Variants in DLGAP2 observed in about 807,000 individuals in gnomAD.
DLGAP2 encodes the protein disks large-associated protein 2.
A neutral mutation model predicts 100.3 loss-of-function variants in DLGAP2; 26 were observed. The observed-to-expected ratio is 0.26, with a 90% confidence interval of 0.19 to 0.36. The LOEUF is 0.36. Ranked by LOEUF, DLGAP2 falls within the 10% of genes least tolerant of loss-of-function variation. DLGAP2 has a pLI of 1.00. For synonymous variants in DLGAP2, 886 were observed against 630.1 expected (o/e 1.41, Z -6.08); for missense variants, 1,858 against 1,453.2 (o/e 1.28, Z -4.53).
At chr8:1,475,336 C>T (rs988610123) in intron 3 of DLGAP2, among the ~76,000 whole-genome samples, 39 of 152,020 alleles carry the variant, frequency 2.6e-4, no homozygotes, top group East Asian at 1.9e-3. Context: ...AAAAAAAAGC[C>T]GGGGGAGCAG....
Position 779,467 on chromosome 8 carries a change from C to CTT in DLGAP2, c.18+41655_18+41656dup, listed in dbSNP as rs35954348. Among the ~76,000 whole-genome samples, 275 of 142,206 alleles carry CTT rather than the reference C, an allele frequency of 1.9e-3. 1 individual carries two copies. The highest frequency in any genetic ancestry group is 7.1e-3 in the East Asian group (34 of 4,796). 93.3% of individuals were successfully genotyped at this position (142,206 alleles called of 152,430 possible). A position where few individuals can be genotyped will look rare whatever the true frequency, so the allele number is the denominator to read the frequency against. On this transcript the variant is annotated intron_variant, in intron 1 of 14. Coordinates refer to ENST00000637795, the MANE Select transcript of DLGAP2 (RefSeq NM_001346810.2). ...TTCTTTTCTTTTCCCTTCTTTCTTT[C>CTT]TTTTTTTTTTTTTTCAGACAGGGTC...
intron 2 of DLGAP2, among the ~76,000 whole-genome samples, chr8:1,175,710 G>T (rs1797237906): frequency 6.6e-6 from 1 of 152,194 alleles, no homozygotes; most frequent in Admixed American, 6.5e-5. Flanking sequence ...GCACCTTTAA[G>T]AGCTCAATTC....
chr8:1,237,019 TCACA>T (rs1311917128), intron 2 of DLGAP2, among the ~76,000 whole-genome samples: 1 of 146,766 alleles, frequency 6.8e-6, no homozygotes, highest in Non-Finnish European at 1.5e-5. Flanking sequence ...TAGTTCTGTC[TCACA>T]CAGAGCATCG....
chr8:1,637,716 G>A (rs945527492), intron 8 of DLGAP2, among the ~76,000 whole-genome samples: 5 of 152,178 alleles, frequency 3.3e-5, no homozygotes, highest in Admixed American at 6.5e-5. Context: ...CGGCCGCTGC[G>A]CTAAGTGCTC....
At chr8:1,676,643 G>T in intron 11 of DLGAP2, 25 bp downstream of exon 11, 1 of 1,598,918 alleles carries the variant, frequency 6.3e-7, no homozygotes, top group East Asian at 2.3e-5. Flanking sequence ...CCTGACACGC[G>T]GTGACCCCCG....
chr8:744,671 CT>C (rs1451999937), intron 1 of DLGAP2, among the ~76,000 whole-genome samples: 1 of 151,776 alleles, frequency 6.6e-6, no homozygotes, highest in African/African-American at 2.4e-5. Flanking sequence ...CACTCCCTGC[CT>C]CTTCTCCGGC....
intron 2 of DLGAP2, among the ~76,000 whole-genome samples, chr8:973,416 G>C (rs543989995): frequency 1.3e-5 from 2 of 150,926 alleles, no homozygotes; most frequent in Non-Finnish European, 3.0e-5. Flanking sequence ...GGGCAGAGAC[G>C]CTCCTCACCT....
chr8:1,697,474 G>C (rs556163815), intron 14 of DLGAP2, among the ~76,000 whole-genome samples, 175 bp downstream of exon 14: 1 of 152,320 alleles, frequency 6.6e-6, no homozygotes, highest in African/African-American at 2.4e-5. Flanking sequence ...GTGCGTGTGT[G>C]TGCATGTGCC....
intron 8 of DLGAP2, among the ~76,000 whole-genome samples, chr8:1,640,695 C>G (rs1252786410): frequency 1.3e-5 from 2 of 152,106 alleles, no homozygotes; most frequent in Non-Finnish European, 2.9e-5. Context: ...GGCATGAGAC[C>G]CCATTACGGG....
chr8:1,449,935 G>GACTGTA (rs1167362254), intron 3 of DLGAP2, among the ~76,000 whole-genome samples: 120 of 121,722 alleles, frequency 9.9e-4, no homozygotes, highest in East Asian at 2.1e-3. Flanking sequence ...CGGTGGCTGA[G>GACTGTA]GCGGAGCTGT....
chr8:1,084,433 C>G (rs1419087349), intron 2 of DLGAP2, among the ~76,000 whole-genome samples: 2 of 152,268 alleles, frequency 1.3e-5, no homozygotes, highest in Admixed American at 6.5e-5. Context: ...ATGTAAAATA[C>G]TCAATAATTA....
At chr8:1,658,788 G>A (rs546381492) in intron 8 of DLGAP2, among the ~76,000 whole-genome samples, 1 of 151,758 alleles carries the variant, frequency 6.6e-6, no homozygotes, top group Non-Finnish European at 1.5e-5. Flanking sequence ...TCTTTTCCTG[G>A]ATTCATTGAT....
chr8:751,448 G>A (rs956605655), intron 1 of DLGAP2, among the ~76,000 whole-genome samples: 11 of 152,248 alleles, frequency 7.2e-5, no homozygotes, highest in Admixed American at 6.5e-4. Context: ...CGGCCGTCTC[G>A]TGACTCTGTG....
chr8:883,872 T>C (rs987433678), intron 1 of DLGAP2, among the ~76,000 whole-genome samples: 2 of 152,338 alleles, frequency 1.3e-5, no homozygotes, highest in African/African-American at 2.4e-5. Flanking sequence ...CTCCCACTTA[T>C]GAGTGAGAAC....
At chr8:1,063,436 C>A (rs184899371) in intron 2 of DLGAP2, among the ~76,000 whole-genome samples, 12 of 151,734 alleles carry the variant, frequency 7.9e-5, no homozygotes, top group Admixed American at 7.9e-4. Context: ...TAACAAGTGA[C>A]GGGCACCTGT....
chr8:1,437,558 T>C (rs2057953), intron 3 of DLGAP2, among the ~76,000 whole-genome samples: 109,033 of 152,086 alleles, frequency 0.72, 40,346 homozygotes, highest in East Asian at 1. Flanking sequence ...TGGATCAGAG[T>C]ACACAGAACG....
rs371976672 is a variant in DLGAP2 at position 931,245 on chromosome 8, G to T, written c.73+23279G>T. On this transcript the variant is annotated intron_variant, in intron 2 of 14. Transcript: ENST00000637795. ...GGGCTGAGGAGCAGCGTGTGCAGCT[G>T]ACACGGGCCAGTTGTGTTTCTGAAG... Among the ~76,000 whole-genome samples the T allele has an allele frequency of 2.4e-4, 36 of 152,288 alleles. 1 individual carries two copies. The East Asian group carries it at 3.7e-3, about 16-fold the overall frequency.
intron 2 of DLGAP2, among the ~76,000 whole-genome samples, chr8:1,235,110 TCACACA>T (rs1798618041): frequency 8.0e-5 from 2 of 24,990 alleles, no homozygotes; most frequent in Non-Finnish European, 2.2e-4. Flanking sequence ...TCTAGTTCTC[TCACACA>T]TGGCGTCGTG....
chr8:1,166,258 C>CT (rs1162185210), intron 2 of DLGAP2, among the ~76,000 whole-genome samples: 2 of 152,222 alleles, frequency 1.3e-5, no homozygotes, highest in South Asian at 4.1e-4. Flanking sequence ...TGAGTCATGG[C>CT]TAATGGCCCA....
Sources: gnomAD v4.1 joint callset for allele counts (sites outside exome capture counted in the v4.1 genomes callset) on GRCh38, gnomAD v4.1.1 for gene constraint, MANE v1.5 for transcripts, NCBI Gene and HGNC (gene_info 2026-07-23, HGNC 2026-07-21) for gene names.